Variants in RNASEH2A observed in about 807,000 individuals in gnomAD.
RNASEH2A encodes RNase H(35).
In RNASEH2A, 30 loss-of-function variants were observed where a neutral mutation model predicts 32.7. The observed-to-expected ratio is 0.92, with a 90% CI of 0.69 to 1.25. RNASEH2A has a LOEUF of 1.25. Ranked by LOEUF, RNASEH2A falls within the 50% of genes most tolerant of loss-of-function variation. RNASEH2A has a pLI of 0.00. For missense variants in RNASEH2A, 409 were observed against 398.1 expected, an observed-to-expected ratio of 1.03 and a Z score of -0.23; for synonymous variants, 147 against 165.4, an observed-to-expected ratio of 0.89 and a Z score of 0.86.
intron 6 of RNASEH2A, among the ~76,000 whole-genome samples, chr19:12,811,677 G>C (rs1969073964): frequency 6.6e-6 from 1 of 151,796 alleles, no homozygotes; most frequent in Admixed American, 6.6e-5. Flanking sequence ...CAGGACTTTG[G>C]GAGGCTGAGG....
intron 1 of RNASEH2A, 52 bp from the exon 2 acceptor site, chr19:12,806,956 G>A (rs1387659110): frequency 3.7e-6 from 6 of 1,609,144 alleles, no homozygotes; most frequent in Non-Finnish European, 4.2e-6. Context: ...AACTTTCACG[G>A]GCTCAGTGAT....
Position 12,807,476 on chromosome 19 carries a change from T to C in RNASEH2A, c.381T>C (p.Tyr127=), listed in dbSNP as rs1381895095. 2.5e-6 allele frequency: 4 copies of C among 1,614,176 alleles called. No individual in the cohort carries two copies. Among genetic ancestry groups the C allele is most frequent in the Middle Eastern group, 1.6e-4 (1 of 6,062 alleles). The change falls in exon 4 of 8, where the codon TAT becomes TAC. Residue 127 remains tyrosine (Y), a synonymous_variant. Transcript: ENST00000221486. ...ATACAGCCACTGGGCTTATACAGTATGCATTGGACCAGGGCGTGAACGTCA... is the reference window on the plus strand; with the variant it reads ...ATACAGCCACTGGGCTTATACAGTACGCATTGGACCAGGGCGTGAACGTCA... The part of the protein sequence containing the change: ...SHDTATGLIQ[Y]ALDQGVNVTQ...
At position 12,813,392 on chromosome 19, in the gene RNASEH2A, G is replaced by A. The variant is rs752066066; in HGVS notation, c.826G>A (p.Gly276Arg). Residue 276 changes from glycine (G) to arginine (R), a missense_variant, in exon 8 of 8, where the codon GGG (glycine) becomes AGG (arginine). Gly to Arg is a moderately radical substitution (Grantham distance 125). Coordinates refer to ENST00000221486, the MANE Select transcript of RNASEH2A (RefSeq NM_006397.3). ...GATCACATCCTACTTCCTCAATGAA[G>A]GGTCCCAAGCCCGTCCCCGTTCTTC... is the stretch of plus-strand genomic sequence containing the variant. ...RKITSYFLNEGSQARPRSSHR... is the reference protein window; with the variant it reads ...RKITSYFLNERSQARPRSSHR... 1.2e-6 allele frequency: 2 copies of A among 1,614,142 alleles called. No individual in the cohort carries two copies. Among genetic ancestry groups the A allele is most frequent in the South Asian group, 1.1e-5 (1 of 91,084 alleles).
chr19:12,808,895 C>T (rs1302713633), intron 4 of RNASEH2A, among the ~76,000 whole-genome samples: 3 of 151,354 alleles, frequency 2.0e-5, no homozygotes, highest in Non-Finnish European at 4.4e-5. Flanking sequence ...CCAGACCAGC[C>T]TGGGCAACAT....
At chr19:12,812,709 AG>A (rs1402849234) in intron 6 of RNASEH2A, among the ~76,000 whole-genome samples, 1 of 151,878 alleles carries the variant, frequency 6.6e-6, no homozygotes, top group East Asian at 1.9e-4. Flanking sequence ...AGGAAGCCTT[AG>A]AAGAGCGGCA....
chr19:12,807,471 C>T lies in RNASEH2A; in HGVS notation c.376C>T (p.Gln126Ter), dbSNP rs755460159. ...LSHDTATGLI[Q>*]YALDQGVNVT... ...ACATGATACAGCCACTGGGCTTATA[C>T]AGTATGCATTGGACCAGGGCGTGAA... The change falls in exon 4 of 8, where the codon CAG (glutamine) becomes TAG (stop). Residue 126 changes from glutamine (Q) to a stop codon, truncating the protein, a stop_gained. Coordinates refer to ENST00000221486, the MANE Select transcript of RNASEH2A (RefSeq NM_006397.3). LOFTEE classifies it high-confidence loss of function. 5 of 1,614,154 alleles carry T rather than the reference C, an allele frequency of 3.1e-6. No homozygotes were observed. The highest frequency in any genetic ancestry group is 4.2e-6 in the Non-Finnish European group (5 of 1,180,026).
intron 6 of RNASEH2A, among the ~76,000 whole-genome samples, chr19:12,812,016 T>C (rs1420769127): frequency 6.6e-6 from 1 of 151,844 alleles, no homozygotes; most frequent in African/African-American, 2.4e-5. Flanking sequence ...GGCAGGTAGA[T>C]CATGTGAACT....
At position 12,813,068 on chromosome 19, in the gene RNASEH2A, C is replaced by T. The variant is rs751179624; in HGVS notation, c.638-15C>T. 1 of 1,613,816 alleles carries T rather than the reference C, an allele frequency of 6.2e-7. No individual in the cohort carries two copies. Among genetic ancestry groups the T allele is most frequent in the Non-Finnish European group, 8.5e-7 (1 of 1,179,996 alleles). The stretch of plus-strand genomic sequence containing the variant: ...GGTGCAACTTGGACTGTCACCATTG[C>T]CCACCCTACCCCAGATCCCAAGACA... On this transcript the variant is annotated splice_polypyrimidine_tract_variant and intron_variant, in intron 6 of 7. Transcript: ENST00000221486.
At position 12,807,255 on chromosome 19, in the gene RNASEH2A, G is replaced by A. The variant is rs772456330; in HGVS notation, c.249G>A (p.Met83Ile). The change falls in exon 3 of 8, where the codon ATG (methionine) becomes ATA (isoleucine). Residue 83 changes from methionine to isoleucine, a missense_variant. Physicochemically the swap from Met to Ile is conservative, Grantham distance 10. Coordinates refer to ENST00000221486, the MANE Select transcript of RNASEH2A (RefSeq NM_006397.3). ...AGCGGGAAAGGCTGTTTGCGAAAATGGAGGACACGGACTTTGTCGGCTGGG... is the reference window on the plus strand; with the variant it reads ...AGCGGGAAAGGCTGTTTGCGAAAATAGAGGACACGGACTTTGTCGGCTGGG... ...ESERERLFAK[M>I]EDTDFVGWAL... The A allele has an allele frequency of 3.7e-6, 6 of 1,614,192 alleles. No homozygotes were observed. The highest frequency in any genetic ancestry group is 5.1e-6 in the Non-Finnish European group (6 of 1,180,038).
chr19:12,811,790 G>T (rs1233715655), intron 6 of RNASEH2A, among the ~76,000 whole-genome samples: 2 of 151,702 alleles, frequency 1.3e-5, no homozygotes, highest in Non-Finnish European at 2.9e-5. Context: ...GGTGGCACAC[G>T]CCCGTAATCC....
rs1969097242 is a variant in RNASEH2A at position 12,813,123 on chromosome 19, T to G, written c.678T>G (p.Pro226=). ...CGTGGTTGAAGGAGCACGTGGAGCC[T>G]GTGTTCGGCTTCCCCCAGTTTGTCC... ...TKAWLKEHVE[P]VFGFPQFVRF... is the part of the protein sequence containing the mutation. Residue 226 remains proline, a synonymous_variant, in exon 7 of 8, where the codon CCT becomes CCG. Transcript: ENST00000221486. The G allele has an allele frequency of 1.9e-6, 3 of 1,614,078 alleles. No homozygotes were observed. Among genetic ancestry groups the G allele is most frequent in the Non-Finnish European group, 2.5e-6 (3 of 1,180,014 alleles).
At chr19:12,812,910 C>T (rs796661904) in intron 6 of RNASEH2A, among the ~76,000 whole-genome samples, 173 bp from the exon 7 acceptor site, 1 of 151,930 alleles carries the variant, frequency 6.6e-6, no homozygotes, top group Non-Finnish European at 1.5e-5. Flanking sequence ...GAGGCTGAGG[C>T]AGGAGAATCG....
intron 6 of RNASEH2A, among the ~76,000 whole-genome samples, chr19:12,811,850 G>C (rs1017895775): frequency 6.6e-6 from 1 of 151,904 alleles, no homozygotes; most frequent in African/African-American, 2.4e-5. Context: ...CTGGGAGGTG[G>C]AGGTTGCAGT....
At chr19:12,806,892 G>A (rs1277516823) in intron 1 of RNASEH2A, 92 bp downstream of exon 1, 3 of 1,597,116 alleles carry the variant, frequency 1.9e-6, no homozygotes, top group Non-Finnish European at 2.6e-6. Flanking sequence ...GAGGGGATGT[G>A]GTCGTGGTGA....
Position 12,806,667 on chromosome 19 carries a change from A to AGGCGGCATGGATCTC in RNASEH2A, c.-6_9dup. 1.9e-6 allele frequency: 3 copies of AGGCGGCATGGATCTC among 1,574,430 alleles called. No homozygotes were observed. Among genetic ancestry groups the AGGCGGCATGGATCTC allele is most frequent in the Middle Eastern group, 1.7e-4 (1 of 6,010 alleles). On this transcript the variant is annotated 5_prime_UTR_variant, in exon 1 of 8. It adds an upstream start codon to the 5' untranslated region. Transcript: ENST00000221486. ...TTCTTGCAGCTGGTGGTGGCGGCTGAGGCGGCATGGATCTCAGCGAGCTGG... is the reference window on the plus strand; with the variant it reads ...TTCTTGCAGCTGGTGGTGGCGGCTGAGGCGGCATGGATCTCGGCGGCATGGATCTCAGCGAGCTGG...
At position 12,813,212 on chromosome 19, in the gene RNASEH2A, T is replaced by G. The variant is rs1599537288; in HGVS notation, c.761+6T>G. 1 of 1,613,780 alleles carries G rather than the reference T, an allele frequency of 6.2e-7. No individual in the cohort carries two copies. The highest frequency in any genetic ancestry group is 8.5e-7 in the Non-Finnish European group (1 of 1,179,936). ...GAGGCGGAAGATGTTATATGGTGGG[T>G]GTCATGGATGTCCTGGGGGTGCTAT... On this transcript the variant is annotated splice_donor_region_variant and intron_variant, in intron 7 of 7. Transcript: ENST00000221486.
Position 12,806,719 on chromosome 19 carries a change from C to T in RNASEH2A, c.46C>T (p.Leu16=), listed in dbSNP as rs540611823. 1.4e-5 allele frequency: 22 copies of T among 1,568,534 alleles called. 3 individuals are homozygous for T. The African/African-American group carries it at 2.0e-4, about 14-fold the overall frequency. The change falls in exon 1 of 8, where the codon CTG becomes TTG. Residue 16 remains leucine (L), a synonymous_variant. Coordinates refer to ENST00000221486, the MANE Select transcript of RNASEH2A (RefSeq NM_006397.3). ...GAGAGACAATACAGGCCGCTGTCGC[C>T]TGAGTTCGCCTGTGCCCGCGGTGTG... ...LERDNTGRCR[L]SSPVPAVCRK...
chr19:12,809,996 A>T, intron 4 of RNASEH2A, 75 bp from the exon 5 acceptor site: 1 of 1,589,562 alleles, frequency 6.3e-7, no homozygotes, highest in Non-Finnish European at 8.6e-7. Context: ...TAGCAGGAAG[A>T]ACGTGCCAGG....
At chr19:12,813,252 G>T (rs1399534833) in intron 7 of RNASEH2A, 46 bp downstream of exon 7, 1 of 1,613,698 alleles carries the variant, frequency 6.2e-7, no homozygotes, top group Non-Finnish European at 8.5e-7. Context: ...AAGGAAGGAG[G>T]GAGGCCAGCG....
Sources: allele counts gnomAD v4.1 joint callset (sites outside exome capture counted in the v4.1 genomes callset), GRCh38; gene constraint gnomAD v4.1.1; transcripts MANE v1.5; gene names NCBI Gene and HGNC (gene_info 2026-07-23, HGNC 2026-07-21).